The following MYO18A variants were observed in gnomAD, a reference collection of about 807,000 sequenced individuals.
MYO18A encodes unconventional myosin-XVIIIa.
Under a neutral mutation model 235.8 loss-of-function variants are expected in MYO18A, and 78 were observed. The ratio of observed to expected loss-of-function variants is 0.33; its 90% CI spans 0.28 to 0.40. The LOEUF (loss-of-function observed/expected upper bound fraction) is 0.40, where lower values mean the gene tolerates loss of function less well. Ranked by LOEUF, MYO18A falls within the 10% of genes least tolerant of loss-of-function variation. The pLI, the probability that MYO18A is intolerant of heterozygous loss-of-function variation, is 1.00. For synonymous variants in MYO18A, 977 were observed against 1,077.8 expected (o/e 0.91, Z 1.83); for missense variants, 2,215 against 2,699.3 (o/e 0.82, Z 3.98).
chr17:29,102,137 G>A (rs985917744), intron 21 of MYO18A, among the ~76,000 whole-genome samples: 4 of 152,230 alleles, frequency 2.6e-5, no homozygotes, highest in African/African-American at 9.6e-5. Flanking sequence ...TTGAGTGACA[G>A]TGGGCCCTGG....
At chr17:29,138,603 G>A (rs2067662007) in intron 2 of MYO18A, among the ~76,000 whole-genome samples, 1 of 152,218 alleles carries the variant, frequency 6.6e-6, no homozygotes, top group African/African-American at 2.4e-5. Flanking sequence ...CAGGTGCTGT[G>A]CTGAATCCCT....
chr17:29,135,392 G>A (rs975886392), intron 2 of MYO18A, among the ~76,000 whole-genome samples: 30 of 152,118 alleles, frequency 2.0e-4, no homozygotes, highest in East Asian at 1.9e-4. Context: ...GTGAGCCACC[G>A]CGCCCGGCCA....
rs2067168719 is a variant in MYO18A, at chr17:29,120,356, C to G, written c.1728+260G>C. ...AGTGGGAAGTAAGGCTGAGGCCCAG[C>G]AGTAGAGTTAGGACAACCCCAGGGT... On this transcript the variant is annotated intron_variant, in intron 7 of 41. Coordinates refer to ENST00000527372, the MANE Select transcript of MYO18A (RefSeq NM_078471.4). This position sits in a 1 kb window ranked among gnomAD's most constrained non-coding sequence, Gnocchi z 4.2. Among the ~76,000 whole-genome samples, 3 of 152,182 alleles carry G rather than the reference C, an allele frequency of 2.0e-5. No individual in the cohort carries two copies. The highest frequency in any genetic ancestry group is 2.9e-5 in the Non-Finnish European group (2 of 68,036).
intron 2 of MYO18A, chr17:29,155,409 A>G (rs1296575620): frequency 1.3e-5 from 2 of 152,362 alleles, no homozygotes; most frequent in Non-Finnish European, 2.9e-5. Flanking sequence ...GAAGAGCTCC[A>G]TGGGAAGAAC....
At chr17:29,128,847 C>T (rs750590445) in intron 2 of MYO18A, among the ~76,000 whole-genome samples, 2 of 152,202 alleles carry the variant, frequency 1.3e-5, no homozygotes, top group African/African-American at 4.8e-5. Context: ...CACAGAGCGC[C>T]GAGAGGCCTA....
chr17:29,073,562 G>A lies in MYO18A; in HGVS notation c.*1208C>T, dbSNP rs1447778546. 1.6e-5 allele frequency: 5 copies of A among 320,312 alleles called. No individual in the cohort carries two copies. Among genetic ancestry groups the A allele is most frequent in the Non-Finnish European group, 2.9e-5 (5 of 174,974 alleles). The allele number at this position is 320,312 out of a possible 1,614,324, so 19.8% of individuals were successfully genotyped here. A position where few individuals can be genotyped will look rare whatever the true frequency, so the allele number is the denominator to read the frequency against. On this transcript the variant is annotated 3_prime_UTR_variant, in exon 42 of 42. Transcript: ENST00000527372. ...TTTATTTCCATACATCGGGTAAACA[G>A]GGGAGAGCACAGCCCAGTGAGTACA...
chr17:29,093,670 G>A (rs1016067136), intron 31 of MYO18A, among the ~76,000 whole-genome samples: 3 of 152,230 alleles, frequency 2.0e-5, no homozygotes, highest in East Asian at 1.9e-4. Context: ...AGACCTTGCC[G>A]CATGGTGGAG....
At chr17:29,167,235 T>A (rs1020200000) in intron 1 of MYO18A, among the ~76,000 whole-genome samples, 19 of 152,144 alleles carry the variant, frequency 1.2e-4, no homozygotes, top group Non-Finnish European at 2.8e-4. Flanking sequence ...TAAGGAAACT[T>A]AAGGTTTAGA....
Position 29,111,338 on chromosome 17 carries a change from C to G in MYO18A, c.2900+86G>C. 1 of 1,465,986 alleles carries G rather than the reference C, an allele frequency of 6.8e-7. No homozygotes were observed. Among genetic ancestry groups the G allele is most frequent in the East Asian group, 2.4e-5 (1 of 41,380 alleles). 90.8% of individuals were successfully genotyped at this position (1,465,986 alleles called of 1,614,324 possible). On this transcript the variant is annotated intron_variant, in intron 17 of 41. Transcript: ENST00000527372. This position sits in a 1 kb window ranked among gnomAD's most constrained non-coding sequence, Gnocchi z 5.1. ...GCCATCTACTTTGCTAGTGAGGGGG[C>G]CTCTGAGACAACCCCAGGGGGAGGG... is the stretch of plus-strand genomic sequence containing the variant.
In MYO18A at chr17:29,096,918, A is replaced by C; in HGVS notation, c.4231-3T>G. On this transcript the variant is annotated splice_region_variant and splice_polypyrimidine_tract_variant and intron_variant, in intron 27 of 41. Transcript: ENST00000527372. Reference sequence around the variant, plus strand: ...CTATCTGCCTGCAGGTCCCCGAGCTAGGGGCCAAGATGGGGTGCATATACA... The same window carrying C: ...CTATCTGCCTGCAGGTCCCCGAGCTCGGGGCCAAGATGGGGTGCATATACA... The C allele has an allele frequency of 1.3e-6, 2 of 1,559,362 alleles. No individual in the cohort carries two copies. Among genetic ancestry groups the C allele is most frequent in the Non-Finnish European group, 1.7e-6 (2 of 1,153,396 alleles).
rs534399790 is a variant in MYO18A, at chr17:29,101,939, G to GC, written c.3507+1659dup. 5.6e-3 allele frequency among the ~76,000 whole-genome samples: 856 copies of GC among 152,184 alleles called. 10 individuals carry two copies. Among genetic ancestry groups the GC allele is most frequent in the African/African-American group, 0.019 (788 of 41,516 alleles). ...ATTTTACAATGTCAGGAGGCTCTGA[G>GC]CCCCCCCAGAGTCCTTATTGAAACT... is the stretch of plus-strand genomic sequence containing the variant. On this transcript the variant is annotated intron_variant, in intron 21 of 41. Coordinates refer to ENST00000527372, the MANE Select transcript of MYO18A (RefSeq NM_078471.4).
rs2067313333 is a variant in MYO18A, at chr17:29,126,064, G to A, written c.1000-3811C>T. 1 of 608,982 alleles carries A rather than the reference G, an allele frequency of 1.6e-6. No individual in the cohort carries two copies. Among genetic ancestry groups the A allele is most frequent in the Non-Finnish European group, 2.1e-6 (1 of 485,172 alleles). 37.7% of individuals were successfully genotyped at this position (608,982 alleles called of 1,614,324 possible). ...GAAGCCACTGGGACCCACTAGGGAA[G>A]GGGAGCAGCGCCAGGGAGCAAGCCG... On this transcript the variant is annotated intron_variant, in intron 2 of 41. Transcript: ENST00000527372. The surrounding 1 kb of genome is among the most constrained non-coding windows in gnomAD (Gnocchi z 4.1).
chr17:29,105,971 T>G (rs1040627643), intron 20 of MYO18A, among the ~76,000 whole-genome samples: 1 of 151,394 alleles, frequency 6.6e-6, no homozygotes, highest in Non-Finnish European at 1.5e-5. Context: ...GGGCTGAGGG[T>G]GAGGGAGGCC....
chr17:29,086,782 G>T, intron 38 of MYO18A, 154 bp downstream of exon 38: 6 of 1,138,420 alleles, frequency 5.3e-6, no homozygotes, highest in Non-Finnish European at 7.3e-6. Flanking sequence ...TAGCTTCCTG[G>T]CCTGCCCTCT....
intron 2 of MYO18A, 105 bp from the exon 3 acceptor site, chr17:29,122,358 T>C (rs941670113): frequency 4.0e-6 from 4 of 994,062 alleles, no homozygotes; most frequent in Non-Finnish European, 6.2e-6. Context: ...GACAAGCCAC[T>C]GGGCAAGGAA....
rs2068296514 is a variant in MYO18A, at chr17:29,166,843, A to G, written c.98T>C (p.Leu33Pro). Reference protein sequence around the residue: ...EKKERMSAAELRSLEEMSLRR... With the variant: ...EKKERMSAAEPRSLEEMSLRR... The stretch of plus-strand genomic sequence containing the variant: ...CAGGCTCATCTCCTCCAGGCTCCGA[A>G]GCTCTGCCGCTGACATCCGCTCCTT... Residue 33 changes from leucine to proline, a missense_variant, in exon 2 of 42, where the codon CTT (leucine) becomes CCT (proline). Coordinates refer to ENST00000527372, the MANE Select transcript of MYO18A (RefSeq NM_078471.4). 1 of 1,579,150 alleles carries G rather than the reference A, an allele frequency of 6.3e-7. No homozygotes were observed. The highest frequency in any genetic ancestry group is 8.6e-7 in the Non-Finnish European group (1 of 1,163,228).
At chr17:29,131,464 T>C in intron 2 of MYO18A, 1 of 985,030 alleles carries the variant, frequency 1.0e-6, no homozygotes, top group African/African-American at 1.7e-5. Flanking sequence ...GATGAAGAAG[T>C]CACTGGCAGG....
At chr17:29,103,785 C>A (rs1234852738) in intron 20 of MYO18A, 121 bp from the exon 21 acceptor site, 7 of 883,786 alleles carry the variant, frequency 7.9e-6, no homozygotes, top group African/African-American at 1.7e-5. Context: ...CATGCACTTG[C>A]GTGGGCTTCC....
chr17:29,085,554 G>C, intron 40 of MYO18A, 50 bp downstream of exon 40: 1 of 1,589,260 alleles, frequency 6.3e-7, no homozygotes, highest in Non-Finnish European at 8.6e-7. Context: ...GTTAGGGGTG[G>C]TTAGACACCC....
Sources: gnomAD v4.1 joint callset for allele counts (sites outside exome capture counted in the v4.1 genomes callset) on GRCh38, gnomAD v4.1.1 for gene constraint, Gnocchi (gnomAD v3.1) non-coding constraint, MANE v1.5 for transcripts, NCBI Gene and HGNC (gene_info 2026-07-23, HGNC 2026-07-21) for gene names.